SLX4IP: variants seen among roughly 807,000 people sequenced by gnomAD.
The protein encoded by SLX4IP is SLX4 interacting protein, also known as protein SLX4IP.
A neutral mutation model predicts 32.9 loss-of-function variants in SLX4IP; 34 were observed. That is an observed-to-expected ratio of 1.03 (90% confidence interval 0.79 to 1.38). SLX4IP has a LOEUF of 1.38. SLX4IP is among the 40% of genes most tolerant of loss of function. The probability of loss-of-function intolerance (pLI) is 0.00; values close to 1 mark genes in which losing one functional copy is unlikely to be tolerated. For missense variants in SLX4IP, 444 were observed against 479.0 expected (o/e 0.93, Z 0.68); for synonymous variants, 172 against 171.7 (o/e 1.00, Z -0.01).
chr20:10,543,737 G>A (rs893755795), intron 2 of SLX4IP, among the ~76,000 whole-genome samples: 1 of 152,210 alleles, frequency 6.6e-6, no homozygotes, highest in African/African-American at 2.4e-5. Context: ...CATTGGGCTT[G>A]GTGACATGCA....
intron 1 of SLX4IP, among the ~76,000 whole-genome samples, chr20:10,439,027 G>A (rs1021322772): frequency 1.3e-5 from 2 of 151,834 alleles, no homozygotes; most frequent in African/African-American, 4.8e-5. Context: ...TTTGAGAACC[G>A]TCTTTGTTGT....
chr20:10,451,010 C>T (rs1237643745), intron 1 of SLX4IP, among the ~76,000 whole-genome samples: 1 of 152,062 alleles, frequency 6.6e-6, no homozygotes, highest in Non-Finnish European at 1.5e-5. Flanking sequence ...CCTCGGCCTC[C>T]CAAAGTGCTG....
intron 2 of SLX4IP, among the ~76,000 whole-genome samples, chr20:10,509,696 A>ATT (rs1168309591): frequency 4.4e-4 from 63 of 143,106 alleles, no homozygotes; most frequent in Admixed American, 1.2e-3. Flanking sequence ...TGATGAATAC[A>ATT]TTTTTTTTTT....
At position 10,474,994 on chromosome 20, in the gene SLX4IP, G is replaced by C. The variant is rs190566853; in HGVS notation, c.27+16763G>C. ...ACTTGAGTAACACTCCTTATCCTCT[G>C]TCTGTTGCCTTCTTTGGGCAAGCAC... On this transcript the variant is annotated intron_variant, in intron 2 of 7. Transcript: ENST00000334534. 9.2e-5 allele frequency among the ~76,000 whole-genome samples: 14 copies of C among 152,318 alleles called. No homozygotes were observed. In the East Asian group the frequency reaches 2.7e-3, roughly 29 times the overall value.
At chr20:10,474,715 A>C in intron 2 of SLX4IP, among the ~76,000 whole-genome samples, 1 of 151,834 alleles carries the variant, frequency 6.6e-6, no homozygotes, top group Non-Finnish European at 1.5e-5. Flanking sequence ...CTCCCTTACC[A>C]CTATGTTGCA....
intron 2 of SLX4IP, among the ~76,000 whole-genome samples, chr20:10,509,183 T>C (rs1035718770): frequency 6.6e-6 from 1 of 152,182 alleles, no homozygotes; most frequent in African/African-American, 2.4e-5. Context: ...GTAGTTGGCA[T>C]CAGGTTGTAA....
chr20:10,574,361 T>A (rs1166088360), intron 4 of SLX4IP, among the ~76,000 whole-genome samples: 1 of 152,182 alleles, frequency 6.6e-6, no homozygotes, highest in Non-Finnish European at 1.5e-5. Context: ...AATGATCCTG[T>A]TGGCCTGCTG....
intron 1 of SLX4IP, among the ~76,000 whole-genome samples, chr20:10,437,389 G>A (rs1177213038): frequency 6.6e-6 from 1 of 152,182 alleles, no homozygotes; most frequent in African/African-American, 2.4e-5. Flanking sequence ...CTCCAGCCCT[G>A]TATCTGCAGA....
At chr20:10,449,253 A>G (rs2065223865) in intron 1 of SLX4IP, among the ~76,000 whole-genome samples, 1 of 152,226 alleles carries the variant, frequency 6.6e-6, no homozygotes. Context: ...TCATTTATTT[A>G]TATTTTGTCT....
chr20:10,458,310 G>A lies in SLX4IP; in HGVS notation c.27+79G>A, dbSNP rs75442038. ...CTGAGCTCTGTGTTAATTGAAAATC[G>A]AGGTTCCTAACTTTCTGCTTTTTAC... is the stretch of plus-strand genomic sequence containing the variant. On this transcript the variant is annotated intron_variant, in intron 2 of 7. Transcript: ENST00000334534. 12,393 of 1,389,958 alleles carry A rather than the reference G, an allele frequency of 8.9e-3. 302 individuals carry two copies. Among genetic ancestry groups the A allele is most frequent in the South Asian group, 0.066 (4,748 of 71,650 alleles). 86.1% of individuals were successfully genotyped at this position (1,389,958 alleles called of 1,614,324 possible).
intron 3 of SLX4IP, among the ~76,000 whole-genome samples, chr20:10,559,982 T>C (rs906363317): frequency 6.6e-6 from 1 of 152,228 alleles, no homozygotes; most frequent in Non-Finnish European, 1.5e-5. Flanking sequence ...TTGAGTAGAT[T>C]TGTAAACCCA....
chr20:10,451,428 G>C (rs2065241283), intron 1 of SLX4IP, among the ~76,000 whole-genome samples: 3 of 151,862 alleles, frequency 2.0e-5, no homozygotes, highest in Non-Finnish European at 4.4e-5. Flanking sequence ...CCAAAGTGTT[G>C]GGATTACAGG....
At chr20:10,499,606 G>T (rs1416414996) in intron 2 of SLX4IP, among the ~76,000 whole-genome samples, 1 of 152,130 alleles carries the variant, frequency 6.6e-6, no homozygotes, top group Non-Finnish European at 1.5e-5. Context: ...AAATATATTA[G>T]TAGTATTACC....
At chr20:10,448,062 T>A (rs2065215248) in intron 1 of SLX4IP, among the ~76,000 whole-genome samples, 2 of 144,858 alleles carry the variant, frequency 1.4e-5, no homozygotes, top group South Asian at 4.4e-4. Context: ...CTTGCACTCC[T>A]CAGATACCTC....
At chr20:10,544,667 G>T (rs921955270) in intron 2 of SLX4IP, among the ~76,000 whole-genome samples, 1 of 152,136 alleles carries the variant, frequency 6.6e-6, no homozygotes, top group African/African-American at 2.4e-5. Flanking sequence ...GATTACAGGC[G>T]TGAGCCACCA....
intron 1 of SLX4IP, among the ~76,000 whole-genome samples, chr20:10,441,731 G>GT (rs3064149): frequency 2.1e-3 from 304 of 147,596 alleles, no homozygotes; most frequent in Admixed American, 4.2e-3. Context: ...GTTTGTTTTT[G>GT]TTTTTTTTTT....
chr20:10,450,107 C>T (rs1455009636), intron 1 of SLX4IP, among the ~76,000 whole-genome samples: 1 of 152,172 alleles, frequency 6.6e-6, no homozygotes, highest in Non-Finnish European at 1.5e-5. Flanking sequence ...CTTGCCTTGG[C>T]CTTCCACGTG....
chr20:10,608,636 T>A (rs1372942979), intron 6 of SLX4IP, among the ~76,000 whole-genome samples: 1 of 137,030 alleles, frequency 7.3e-6, no homozygotes, highest in African/African-American at 2.8e-5. Context: ...ATTGCACCAC[T>A]GCACTCCAGC....
intron 2 of SLX4IP, among the ~76,000 whole-genome samples, chr20:10,490,471 CT>C (rs2065613315): frequency 6.6e-6 from 1 of 152,114 alleles, no homozygotes; most frequent in African/African-American, 2.4e-5. Flanking sequence ...CTCCCACCCC[CT>C]GCTTTAGATT....
Sources: gnomAD v4.1 joint callset for allele counts (sites outside exome capture counted in the v4.1 genomes callset) on GRCh38, gnomAD v4.1.1 for gene constraint, MANE v1.5 for transcripts, NCBI Gene and HGNC (gene_info 2026-07-23, HGNC 2026-07-21) for gene names.